Variants in ZC3H7B observed in about 807,000 individuals in gnomAD.
The protein encoded by ZC3H7B is zinc finger CCCH domain-containing protein 7B.
ZC3H7B carries 35 observed loss-of-function variants against 116.0 expected under a neutral mutation model. That is an observed-to-expected ratio of 0.30 (90% CI 0.23 to 0.40). ZC3H7B has a LOEUF of 0.40. ZC3H7B is among the 10% of genes least tolerant of loss of function. ZC3H7B has a pLI of 1.00. For synonymous variants in ZC3H7B, 502 were observed against 545.6 expected (o/e 0.92, Z 1.11); for missense variants, 1,011 against 1,321.5 (o/e 0.77, Z 3.64).
At chr22:41,320,011 A>AT (rs1245852076) in intron 1 of ZC3H7B, among the ~76,000 whole-genome samples, 1 of 145,864 alleles carries the variant, frequency 6.9e-6, no homozygotes. Context: ...AGTCTGGGCA[A>AT]TAGAGCGAGA....
In ZC3H7B at chr22:41,359,900, T is replaced by C. The variant is rs1317202747; in HGVS notation, c.*2471T>C. 2.9e-4 allele frequency: 1 copy of C among 3,414 alleles called. No individual in the cohort carries two copies. Among genetic ancestry groups the C allele is most frequent in the African/African-American group, 2.1e-3 (1 of 482 alleles). The allele number at this position is 3,414 out of a possible 1,614,324, so 0.2% of individuals were successfully genotyped here. On this transcript the variant is annotated 3_prime_UTR_variant, in exon 23 of 23. Transcript: ENST00000352645. The stretch of plus-strand genomic sequence containing the variant: ...CAGGGACAAGATGGCATGGCAAGCA[T>C]GGGGGCGGGGTGGGTGGGGAGGGAT...
In ZC3H7B at chr22:41,349,057, C is replaced by A; in HGVS notation, c.1767-63C>A. On this transcript the variant is annotated intron_variant, in intron 15 of 22. Coordinates refer to ENST00000352645, the MANE Select transcript of ZC3H7B (RefSeq NM_017590.6). This position sits in a 1 kb window ranked among gnomAD's most constrained non-coding sequence, Gnocchi z 4.9. ...CCTGGCACTGGGAAGGTGGCCCTAC[C>A]AGGAGAGAAGGTCAGAGGGGCTGCG... 6.4e-7 allele frequency: 1 copy of A among 1,559,574 alleles called. No individual in the cohort carries two copies. Among genetic ancestry groups the A allele is most frequent in the South Asian group, 1.2e-5 (1 of 85,780 alleles).
In ZC3H7B at chr22:41,327,453, C is replaced by T. The variant is rs894032657; in HGVS notation, c.444+89C>T. The T allele has an allele frequency of 4.6e-6, 7 of 1,514,308 alleles. No individual in the cohort carries two copies. The African/African-American group carries it at 6.8e-5, about 15-fold the overall frequency. The allele number at this position is 1,514,308 out of a possible 1,614,324, so 93.8% of individuals were successfully genotyped here. On this transcript the variant is annotated intron_variant, in intron 5 of 22. Coordinates refer to ENST00000352645, the MANE Select transcript of ZC3H7B (RefSeq NM_017590.6). The surrounding 1 kb of genome is among the most constrained non-coding windows in gnomAD (Gnocchi z 4.5). ...CTCACTTGGGCCCAGCCACCACATC[C>T]TTCTGTGTCTCACTTCCTCCCCTGT... is the stretch of plus-strand genomic sequence containing the variant.
At chr22:41,319,144 G>T (rs527916511) in intron 1 of ZC3H7B, among the ~76,000 whole-genome samples, 1 of 152,092 alleles carries the variant, frequency 6.6e-6, no homozygotes, top group Non-Finnish European at 1.5e-5. Flanking sequence ...GCTCACGCCT[G>T]TAATCCCAGC....
chr22:41,317,571 C>T (rs534029425), intron 1 of ZC3H7B, among the ~76,000 whole-genome samples: 2 of 152,052 alleles, frequency 1.3e-5, no homozygotes, highest in Non-Finnish European at 2.9e-5. Flanking sequence ...GGGAGGATTT[C>T]TTGAGCCCAG....
At chr22:41,307,791 T>G (rs1195211452) in intron 1 of ZC3H7B, among the ~76,000 whole-genome samples, 1 of 152,134 alleles carries the variant, frequency 6.6e-6, no homozygotes, top group African/African-American at 2.4e-5. Context: ...TCAGAAAGAC[T>G]AAGTTAACAC....
intron 1 of ZC3H7B, among the ~76,000 whole-genome samples, chr22:41,313,839 C>G (rs536285747): frequency 4.6e-5 from 7 of 151,796 alleles, no homozygotes; most frequent in South Asian, 4.2e-4. Flanking sequence ...TTCGGTCTTT[C>G]GGGTTCAAGC....
At chr22:41,342,804 G>A (rs1256014915) in intron 12 of ZC3H7B, among the ~76,000 whole-genome samples, 176 bp downstream of exon 12, 2 of 152,190 alleles carry the variant, frequency 1.3e-5, no homozygotes, top group Non-Finnish European at 2.9e-5. Flanking sequence ...TCCCTGCCAG[G>A]CACCACCTTC....
chr22:41,355,262 C>T (rs1397436560), intron 17 of ZC3H7B, among the ~76,000 whole-genome samples: 3 of 152,218 alleles, frequency 2.0e-5, no homozygotes, highest in Admixed American at 6.5e-5. Context: ...GGACCAGCCA[C>T]AGAGGGTGGA....
chr22:41,345,232 C>T lies in ZC3H7B; in HGVS notation c.1460-771C>T, dbSNP rs190227702. 2.3e-3 allele frequency among the ~76,000 whole-genome samples: 343 copies of T among 152,308 alleles called. 2 individuals carry two copies. Among genetic ancestry groups the T allele is most frequent in the African/African-American group, 7.6e-3 (316 of 41,556 alleles). ...GGAATCCTAGCCCAATTCTGTCTGA[C>T]GCCAAATTACATGCTCTTAACCATG... On this transcript the variant is annotated intron_variant, in intron 13 of 22. Transcript: ENST00000352645.
At chr22:41,332,499 TCTGCCTC>T (rs2036396121) in intron 7 of ZC3H7B, 3 of 438,130 alleles carry the variant, frequency 6.8e-6, no homozygotes, top group Non-Finnish European at 1.2e-5. Context: ...ACGCCTTCCT[TCTGCCTC>T]CTGCCCCACA....
At chr22:41,343,320 G>A (rs1182301499) in intron 12 of ZC3H7B, 95 bp from the exon 13 acceptor site, 1 of 1,483,562 alleles carries the variant, frequency 6.7e-7, no homozygotes, top group Non-Finnish European at 9.1e-7. Context: ...AGGTATATAA[G>A]GAGGGGGCCG....
chr22:41,352,922 A>G (rs1569243908), intron 17 of ZC3H7B, among the ~76,000 whole-genome samples: 1 of 150,680 alleles, frequency 6.6e-6, no homozygotes, highest in Non-Finnish European at 1.5e-5. Context: ...TACTAAAAAT[A>G]CAAAAAAATT....
chr22:41,346,193 C>T lies in ZC3H7B; in HGVS notation c.1650C>T (p.Phe550=). 1 of 1,611,086 alleles carries T rather than the reference C, an allele frequency of 6.2e-7. No individual in the cohort carries two copies. Residue 550 remains phenylalanine (F), a synonymous_variant, in exon 14 of 23, where the codon TTC becomes TTT. Coordinates refer to ENST00000352645, the MANE Select transcript of ZC3H7B (RefSeq NM_017590.6). This position sits in a 1 kb window ranked among gnomAD's most constrained non-coding sequence, Gnocchi z 5.3. Reference sequence around the variant, plus strand: ...TCCTGAAGGAGCACCAGGGCATCTTCACCTTCCTCTGCGAGGTACTGCCCA... The same window carrying T: ...TCCTGAAGGAGCACCAGGGCATCTTTACCTTCCTCTGCGAGGTACTGCCCA... The part of the protein sequence containing the change: ...AKLLKEHQGI[F]TFLCEICFDS...
rs535042373 is a variant in ZC3H7B at position 41,324,798 on chromosome 22, C to CCTCAGTGT, written c.54-764_54-763insCAGTGTCT. ...CTCCCGGTGCCTCAGTGTCTGTGGACCTGTGGTCTCGGATTTGGTTTGATG... is the reference window on the plus strand; with the variant it reads ...CTCCCGGTGCCTCAGTGTCTGTGGACCTCAGTGTCTGTGGTCTCGGATTTGGTTTGATG... On this transcript the variant is annotated intron_variant, in intron 2 of 22. Transcript: ENST00000352645. Among the ~76,000 whole-genome samples the CCTCAGTGT allele has an allele frequency of 3.9e-5, 6 of 152,234 alleles. No individual in the cohort carries two copies. In the South Asian group the frequency reaches 1.2e-3, roughly 32 times the overall value.
At chr22:41,332,689 C>G (rs2145921751) in intron 7 of ZC3H7B, 1 of 157,196 alleles carries the variant, frequency 6.4e-6, no homozygotes, top group Non-Finnish European at 1.4e-5. Context: ...CTCAGTGACT[C>G]TGCTTGGGAG....
intron 1 of ZC3H7B, among the ~76,000 whole-genome samples, chr22:41,316,315 G>C (rs1032320241): frequency 1.3e-4 from 16 of 127,980 alleles, no homozygotes; most frequent in Admixed American, 4.8e-4. Context: ...TTCTTTTTTT[G>C]AACAGGGTCT....
In ZC3H7B at chr22:41,330,037, T is replaced by C; in HGVS notation, c.459T>C (p.Thr153=). The change falls in exon 6 of 23, where the codon ACT becomes ACC. Residue 153 remains threonine (T), a synonymous_variant. Transcript: ENST00000352645. ...GTCCTCTGCAGGATGAAAGCGTGAC[T>C]CAGCTTGGTCAGGAGCTGGCCCAGA... ...SLALPHDESV[T]QLGQELAQKL... The C allele has an allele frequency of 6.2e-7, 1 of 1,613,822 alleles. No homozygotes were observed. The highest frequency in any genetic ancestry group is 8.5e-7 in the Non-Finnish European group (1 of 1,179,986).
intron 1 of ZC3H7B, among the ~76,000 whole-genome samples, chr22:41,311,797 TC>T (rs1192541563): frequency 2.0e-5 from 3 of 151,930 alleles, no homozygotes; most frequent in African/African-American, 7.3e-5. Flanking sequence ...GGGATGTTGG[TC>T]TTGAGACCTG....
Sources: allele counts gnomAD v4.1 joint callset (sites outside exome capture counted in the v4.1 genomes callset), GRCh38; gene constraint gnomAD v4.1.1; non-coding constraint Gnocchi (gnomAD v3.1); transcripts MANE v1.5; gene names NCBI Gene and HGNC (gene_info 2026-07-23, HGNC 2026-07-21).